AHNAK: variants seen among roughly 807,000 people sequenced by gnomAD.
AHNAK encodes the protein neuroblast differentiation-associated protein AHNAK.
In AHNAK, 23 loss-of-function variants were observed where a neutral mutation model predicts 37.8. That is an observed-to-expected ratio of 0.61 (90% CI 0.44 to 0.86). The LOEUF is 0.86. Among genes scored for constraint, AHNAK ranks in the 40% least tolerant of loss-of-function variants. The pLI is 0.00. For synonymous variants in AHNAK, 2,481 were observed against 2,636.3 expected (o/e 0.94, Z 1.80); for missense variants, 7,411 against 7,319.4 (o/e 1.01, Z -0.46).
Position 62,525,864 on chromosome 11 carries a change from T to A in AHNAK, c.8553A>T (p.Gly2851=). 6.2e-7 allele frequency: 1 copy of A among 1,613,990 alleles called. No homozygotes were observed. Among genetic ancestry groups the A allele is most frequent in the South Asian group, 1.1e-5 (1 of 91,074 alleles). Residue 2851 remains glycine (G), a synonymous_variant, in exon 5 of 5, where the codon GGA becomes GGT. Transcript: ENST00000378024. ...DLNLTGPKIK[G]DVDVTGPKVE... ...CCTTAGGGCCTGTAACATCCACATC[T>A]CCTTTTATTTTTGGACCTGTGAGAT... is the stretch of plus-strand genomic sequence containing the variant.
At chr11:62,506,806 C>T (rs1264071038) in intron 4 of AHNAK, among the ~76,000 whole-genome samples, 1 of 151,648 alleles carries the variant, frequency 6.6e-6, no homozygotes, top group Non-Finnish European at 1.5e-5. Flanking sequence ...CAGGGTGGCC[C>T]GGGGCAGGAG....
chr11:62,546,330 T>C (rs966284164), intron 1 of AHNAK, among the ~76,000 whole-genome samples: 12 of 151,552 alleles, frequency 7.9e-5, no homozygotes, highest in African/African-American at 2.7e-4. Flanking sequence ...GGAGAGGAGG[T>C]GGGACAGAGG....
chr11:62,466,529 G>A (rs1938916656), intron 5 of AHNAK, among the ~76,000 whole-genome samples: 1 of 139,300 alleles, frequency 7.2e-6, no homozygotes, highest in Admixed American at 7.5e-5. Flanking sequence ...CTCAGTAAAT[G>A]ACAAGGCCAT....
chr11:62,467,992 C>A (rs1333144523), intron 5 of AHNAK, among the ~76,000 whole-genome samples: 1 of 152,130 alleles, frequency 6.6e-6, no homozygotes, highest in Non-Finnish European at 1.5e-5. Flanking sequence ...GTAAACAACA[C>A]AAGGTCCCTG....
chr11:62,527,356 T>A lies in AHNAK; in HGVS notation c.7061A>T (p.Asp2354Val), dbSNP rs1335683033. The change falls in exon 5 of 5, where the codon GAT becomes GTT. Residue 2354 changes from aspartate (D) to valine (V), a missense_variant. Physicochemically the swap from Asp to Val is radical, Grantham distance 152. Coordinates refer to ENST00000378024, the MANE Select transcript of AHNAK (RefSeq NM_001620.3). ...PELDVKGPKL[D>V]ADMPEVAVEG... ...CACAGCTACTTCTGGCATGTCAGCA[T>A]CTAATTTGGGACCTTTGACATCCAA... The A allele has an allele frequency of 2.5e-6, 4 of 1,614,076 alleles. No individual in the cohort carries two copies. The highest frequency in any genetic ancestry group is 3.4e-6 in the Non-Finnish European group (4 of 1,179,960).
At chr11:62,485,814 C>T (rs1407164143) in intron 5 of AHNAK, among the ~76,000 whole-genome samples, 2 of 150,624 alleles carry the variant, frequency 1.3e-5, no homozygotes, top group African/African-American at 2.4e-5. Context: ...GTCAGGAATT[C>T]AAGACCAGCC....
rs760046937 is a variant in AHNAK, at chr11:62,529,782, C to G, written c.4635G>C (p.Lys1545Asn). ...PKADLGVSGP[K>N]VDIDVPDVNL... ...TCACATCTGGAACATCAATGTCCAC[C>G]TTGGGTCCTGAAACACCAAGGTCAG... The change falls in exon 5 of 5, where the codon AAG becomes AAC. Residue 1545 changes from lysine to asparagine, a missense_variant. By Grantham distance (94) the Lys-to-Asn change is moderately conservative. Coordinates refer to ENST00000378024, the MANE Select transcript of AHNAK (RefSeq NM_001620.3). 4 of 1,614,110 alleles carry G rather than the reference C, an allele frequency of 2.5e-6. No homozygotes were observed. Among genetic ancestry groups the G allele is most frequent in the Non-Finnish European group, 3.4e-6 (4 of 1,180,030 alleles).
At chr11:62,438,199 C>CTTTTTTTTTTTTTTTTTTTT (rs1938220473) in intron 5 of AHNAK, among the ~76,000 whole-genome samples, 1 of 67,686 alleles carries the variant, frequency 1.5e-5, no homozygotes, top group Admixed American at 2.0e-4. Context: ...TTTTTTTTTT[C>CTTTTTTTTTTTTTTTTTTTT]CTGAGACTGA....
chr11:62,519,079 A>G lies in AHNAK; in HGVS notation c.15338T>C (p.Leu5113Pro), dbSNP rs1414529443. The part of the protein sequence containing the change: ...KAEAPLPSPK[L>P]EGELQAPDLE... ...ATCAGGTGCCTGGAGTTCACCCTCC[A>G]GTTTGGGGCTAGGGAGAGGGGCCTC... is the stretch of plus-strand genomic sequence containing the variant. Residue 5113 changes from leucine (L) to proline (P), a missense_variant, in exon 5 of 5, where the codon CTG becomes CCG. Coordinates refer to ENST00000378024, the MANE Select transcript of AHNAK (RefSeq NM_001620.3). 2 of 1,613,356 alleles carry G rather than the reference A, an allele frequency of 1.2e-6. No homozygotes were observed. The highest frequency in any genetic ancestry group is 3.3e-5 in the Admixed American group (2 of 59,892).
At chr11:62,504,196 AAGAAAGAAAGAGAGAGAG>A (rs1343147451) in intron 4 of AHNAK, among the ~76,000 whole-genome samples, 1 of 152,038 alleles carries the variant, frequency 6.6e-6, no homozygotes, top group Non-Finnish European at 1.5e-5. Flanking sequence ...AAGAAAAAGA[AAGAAAGAAAGAGAGAGAG>A]AGAAAGAAAG....
rs913800203 is a variant in AHNAK at position 62,530,169 on chromosome 11, G to C, written c.4248C>G (p.Pro1416=). ...CATCTGGAACTTCAGCATCCATTTT[G>C]GGTCCTGAGACATCAACGTCAGCTT... ...LPKADVDVSG[P]KMDAEVPDVN... The change falls in exon 5 of 5, where the codon CCC becomes CCG. Residue 1416 remains proline, a synonymous_variant. Transcript: ENST00000378024. 6.2e-7 allele frequency: 1 copy of C among 1,613,490 alleles called. No individual in the cohort carries two copies. The highest frequency in any genetic ancestry group is 8.5e-7 in the Non-Finnish European group (1 of 1,179,942).
Position 62,519,048 on chromosome 11 carries a change from T to G in AHNAK, c.15369A>C (p.Glu5123Asp). 6.2e-7 allele frequency: 1 copy of G among 1,613,200 alleles called. No homozygotes were observed. Among genetic ancestry groups the G allele is most frequent in the Non-Finnish European group, 8.5e-7 (1 of 1,179,412 alleles). The change falls in exon 5 of 5, where the codon GAA becomes GAC. Residue 5123 changes from glutamate to aspartate, a missense_variant. Transcript: ENST00000378024. Reference protein sequence around the residue: ...LEGELQAPDLELSLPAIHVEG... With the variant: ...LEGELQAPDLDLSLPAIHVEG... The stretch of plus-strand genomic sequence containing the variant: ...CGACGTGAATCGCTGGCAAAGAAAG[T>G]TCCAGATCAGGTGCCTGGAGTTCAC...
chr11:62,485,655 T>C (rs1939375300), intron 5 of AHNAK, among the ~76,000 whole-genome samples: 1 of 143,566 alleles, frequency 7.0e-6, no homozygotes, highest in South Asian at 2.2e-4. Context: ...TGAGCCGAGA[T>C]TGCACCACTG....
chr11:62,485,218 G>A (rs1939366157), intron 5 of AHNAK, among the ~76,000 whole-genome samples: 1 of 152,172 alleles, frequency 6.6e-6, no homozygotes, highest in African/African-American at 2.4e-5. Context: ...GGGCACCATA[G>A]TGAGACCCTG....
intron 4 of AHNAK, among the ~76,000 whole-genome samples, chr11:62,492,271 T>G (rs1939516959): frequency 6.6e-6 from 1 of 152,176 alleles, no homozygotes; most frequent in Non-Finnish European, 1.5e-5. Context: ...TGGGTATCTT[T>G]TCTCCAACAG....
chr11:62,451,503 C>G (rs1938535945), intron 5 of AHNAK, among the ~76,000 whole-genome samples: 1 of 151,916 alleles, frequency 6.6e-6, no homozygotes, highest in Non-Finnish European at 1.5e-5. Flanking sequence ...TTTGGGAGGC[C>G]AAGGCGGGCA....
chr11:62,494,997 T>A (rs1939580141), intron 4 of AHNAK, among the ~76,000 whole-genome samples: 1 of 139,070 alleles, frequency 7.2e-6, no homozygotes, highest in South Asian at 2.2e-4. Context: ...TGAAACTCCA[T>A]CTCAAAAAAA....
chr11:62,473,153 T>C (rs1440739112), intron 5 of AHNAK, among the ~76,000 whole-genome samples: 3 of 140,748 alleles, frequency 2.1e-5, no homozygotes, highest in Non-Finnish European at 1.5e-5. Flanking sequence ...TCCCAACAGT[T>C]TGGGAAGCCA....
At position 62,533,050 on chromosome 11, in the gene AHNAK, G is replaced by A. The variant is rs756623694; in HGVS notation, c.1367C>T (p.Pro456Leu). ...CCCAGGAACAGTCACTTCACCTGTA[G>A]GCAGTGTCACATCAATCCCAGTTTC... is the stretch of plus-strand genomic sequence containing the variant. ...GEETGIDVTL[P>L]TGEVTVPGVS... The change falls in exon 5 of 5, where the codon CCT (proline) becomes CTT (leucine). Residue 456 changes from proline (P) to leucine (L), a missense_variant. Transcript: ENST00000378024. 1 of 1,612,222 alleles carries A rather than the reference G, an allele frequency of 6.2e-7. No individual in the cohort carries two copies. The highest frequency in any genetic ancestry group is 8.5e-7 in the Non-Finnish European group (1 of 1,179,370).
Sources: gnomAD v4.1 joint callset for allele counts (sites outside exome capture counted in the v4.1 genomes callset) on GRCh38, gnomAD v4.1.1 for gene constraint, MANE v1.5 for transcripts, NCBI Gene and HGNC (gene_info 2026-07-23, HGNC 2026-07-21) for gene names.